The following DOCK8 variants were observed in gnomAD, a reference collection of about 807,000 sequenced individuals.
DOCK8 encodes dedicator of cytokinesis 8.
DOCK8 carries 141 observed loss-of-function variants against 245.6 expected under a neutral mutation model. That is an observed-to-expected ratio of 0.57 (90% CI 0.50 to 0.66). The LOEUF is 0.66. Among genes scored for constraint, DOCK8 ranks in the 30% least tolerant of loss-of-function variants. The probability of loss-of-function intolerance (pLI) is 0.00; values close to 1 mark genes in which losing one functional copy is unlikely to be tolerated. For missense variants in DOCK8, 2,965 were observed against 2,603.4 expected (o/e 1.14, Z -3.02); for synonymous variants, 1,168 against 970.2 (o/e 1.20, Z -3.79).
At chr9:234,173 T>A (rs2047191066) in intron 1 of DOCK8, among the ~76,000 whole-genome samples, 1 of 152,222 alleles carries the variant, frequency 6.6e-6, no homozygotes, top group Admixed American at 6.5e-5. Context: ...TTTGGCTGGA[T>A]ATGAAATTCT....
chr9:351,476 T>G (rs987624938), intron 14 of DOCK8, among the ~76,000 whole-genome samples: 3 of 152,224 alleles, frequency 2.0e-5, no homozygotes, highest in African/African-American at 7.2e-5. Context: ...AAGCTGTGAT[T>G]ACAGCTGCCC....
chr9:273,828 T>TCC (rs2048236656), intron 2 of DOCK8, among the ~76,000 whole-genome samples: 1 of 149,800 alleles, frequency 6.7e-6, no homozygotes, highest in African/African-American at 2.5e-5. Flanking sequence ...TGCCTCAGCC[T>TCC]CCCGAGTAGC....
chr9:372,076 T>C, intron 17 of DOCK8, 109 bp from the exon 18 acceptor site: 1 of 951,170 alleles, frequency 1.1e-6, no homozygotes, highest in Admixed American at 2.0e-5. Flanking sequence ...AGAGTACTGG[T>C]CAATATCTAC....
intron 31 of DOCK8, 77 bp from the exon 32 acceptor site, chr9:420,872 G>T (rs765933119): frequency 3.5e-5 from 55 of 1,583,772 alleles, no homozygotes; most frequent in Non-Finnish European, 4.2e-5. Flanking sequence ...TCACTGTGGA[G>T]TGTACTGTTT....
chr9:387,780 T>G (rs1005925216), intron 23 of DOCK8, among the ~76,000 whole-genome samples: 1 of 152,258 alleles, frequency 6.6e-6, no homozygotes, highest in East Asian at 1.9e-4. Flanking sequence ...ACAGGCCCTA[T>G]GCAGTGACTG....
intron 4 of DOCK8, among the ~76,000 whole-genome samples, chr9:289,797 A>T (rs1200785818): frequency 6.6e-6 from 1 of 152,202 alleles, no homozygotes; most frequent in African/African-American, 2.4e-5. Context: ...TTGTTACAGT[A>T]GCTGAGCCAA....
At chr9:356,945 A>G (rs1225171022) in intron 14 of DOCK8, among the ~76,000 whole-genome samples, 1 of 152,150 alleles carries the variant, frequency 6.6e-6, no homozygotes, top group Non-Finnish European at 1.5e-5. Flanking sequence ...AGGTTTCCCC[A>G]GCAGATTTCG....
intron 36 of DOCK8, among the ~76,000 whole-genome samples, chr9:431,557 G>A (rs2056713418): frequency 6.6e-6 from 1 of 152,116 alleles, no homozygotes; most frequent in African/African-American, 2.4e-5. Flanking sequence ...CACCGTGGCT[G>A]GAGTGCAGTG....
intron 28 of DOCK8, among the ~76,000 whole-genome samples, chr9:411,687 C>T (rs1476540333): frequency 6.6e-6 from 1 of 152,010 alleles, no homozygotes; most frequent in Non-Finnish European, 1.5e-5. Flanking sequence ...ATGTAAGACC[C>T]TCAACAAACA....
At position 430,454 on chromosome 9, in the gene DOCK8, G is replaced by A. The variant is rs539112869; in HGVS notation, c.4626+600G>A. On this transcript the variant is annotated intron_variant, in intron 36 of 47. Coordinates refer to ENST00000432829, the MANE Select transcript of DOCK8 (RefSeq NM_203447.4). ...CCTAGCACTTCGGGAGGCCAAGGCA[G>A]GCAGATCAGATGAGGCCAGGAGTCC... 4.3e-3 allele frequency among the ~76,000 whole-genome samples: 647 copies of A among 151,580 alleles called. 5 individuals carry two copies. The highest frequency in any genetic ancestry group is 0.015 in the African/African-American group (612 of 41,336).
intron 40 of DOCK8, 88 bp downstream of exon 40, chr9:439,476 G>C: frequency 1.3e-6 from 2 of 1,557,826 alleles, no homozygotes; most frequent in Non-Finnish European, 1.7e-6. Context: ...TAATGGCCCA[G>C]TCAGCCCCAC....
chr9:372,046 G>T (rs1316271372), intron 17 of DOCK8, 139 bp from the exon 18 acceptor site: 4 of 764,866 alleles, frequency 5.2e-6, no homozygotes, highest in African/African-American at 1.7e-5. Context: ...CAAAGAACTG[G>T]ACAGAAATTA....
intron 20 of DOCK8, among the ~76,000 whole-genome samples, chr9:378,495 T>C (rs2053607323): frequency 6.6e-6 from 1 of 152,226 alleles, no homozygotes; most frequent in South Asian, 2.1e-4. Context: ...GCATCTTCTG[T>C]GGTTCCACAG....
chr9:342,907 C>G (rs1217143028), intron 14 of DOCK8, among the ~76,000 whole-genome samples: 2 of 152,018 alleles, frequency 1.3e-5, no homozygotes, highest in African/African-American at 4.8e-5. Flanking sequence ...TTGTCTTTGC[C>G]CCTCTGTACA....
At chr9:355,187 C>CT (rs796507227) in intron 14 of DOCK8, among the ~76,000 whole-genome samples, 6 of 26,660 alleles carry the variant, frequency 2.3e-4, no homozygotes, top group Admixed American at 7.9e-4. Flanking sequence ...ATTTCTGTTT[C>CT]TTTTCTTTTT....
intron 14 of DOCK8, among the ~76,000 whole-genome samples, chr9:359,415 T>G (rs1269581703): frequency 6.6e-6 from 1 of 152,208 alleles, no homozygotes; most frequent in South Asian, 2.1e-4. Flanking sequence ...GTACCTGTCA[T>G]AGATGCTTGT....
At chr9:295,414 T>C (rs1043404773) in intron 4 of DOCK8, among the ~76,000 whole-genome samples, 1 of 152,114 alleles carries the variant, frequency 6.6e-6, no homozygotes, top group African/African-American at 2.4e-5. Context: ...TATCCCAATA[T>C]TCCCTCCAAG....
chr9:215,079 G>A, intron 1 of DOCK8, 50 bp downstream of exon 1: 1 of 1,532,798 alleles, frequency 6.5e-7, no homozygotes, highest in Non-Finnish European at 8.7e-7. Context: ...GCCCAGCGCT[G>A]GTGTGAAGCG....
intron 2 of DOCK8, among the ~76,000 whole-genome samples, chr9:272,109 C>T (rs1276801398): frequency 2.0e-5 from 3 of 152,100 alleles, no homozygotes; most frequent in African/African-American, 7.2e-5. Context: ...AGTTACAGAC[C>T]TCCTTTTTGT....
Sources: allele counts gnomAD v4.1 joint callset (sites outside exome capture counted in the v4.1 genomes callset), GRCh38; gene constraint gnomAD v4.1.1; transcripts MANE v1.5; gene names NCBI Gene and HGNC (gene_info 2026-07-23, HGNC 2026-07-21).